CCDC60: variants seen among roughly 807,000 people sequenced by gnomAD.
CCDC60 encodes coiled-coil domain-containing protein 60.
A neutral mutation model predicts 63.5 loss-of-function variants in CCDC60; 54 were observed. The ratio of observed to expected loss-of-function variants is 0.85; its 90% CI spans 0.68 to 1.07. CCDC60 has a LOEUF of 1.07. CCDC60 is among the 50% of genes least tolerant of loss of function. The probability of loss-of-function intolerance (pLI) is 0.00; values close to 1 mark genes in which losing one functional copy is unlikely to be tolerated. For synonymous variants in CCDC60, 206 were observed against 238.8 expected (o/e 0.86, Z 1.27); for missense variants, 651 against 684.3 (o/e 0.95, Z 0.54).
At chr12:119,347,838 C>G (rs1955613444) in intron 1 of CCDC60, among the ~76,000 whole-genome samples, 1 of 152,162 alleles carries the variant, frequency 6.6e-6, no homozygotes, top group Non-Finnish European at 1.5e-5. Flanking sequence ...TCAGGGACAG[C>G]CCCAGGCACG....
intron 1 of CCDC60, among the ~76,000 whole-genome samples, chr12:119,414,290 A>C (rs1466894708): frequency 1.3e-5 from 2 of 152,120 alleles, no homozygotes; most frequent in Non-Finnish European, 2.9e-5. Context: ...AAGTGCTGGG[A>C]TTACAGGTGT....
At chr12:119,404,041 A>C (rs969004384) in intron 1 of CCDC60, among the ~76,000 whole-genome samples, 2 of 152,146 alleles carry the variant, frequency 1.3e-5, no homozygotes, top group Non-Finnish European at 2.9e-5. Context: ...GAATCCCAGC[A>C]CTTTTGGAGG....
chr12:119,435,013 G>T (rs561295053), intron 2 of CCDC60, among the ~76,000 whole-genome samples: 7 of 152,298 alleles, frequency 4.6e-5, no homozygotes, highest in African/African-American at 1.7e-4. Context: ...CTTCAATGAG[G>T]GAAACAGCAG....
At chr12:119,412,098 C>T (rs1392510834) in intron 1 of CCDC60, among the ~76,000 whole-genome samples, 3 of 152,136 alleles carry the variant, frequency 2.0e-5, no homozygotes, top group Non-Finnish European at 4.4e-5. Context: ...AAATTTCCAT[C>T]GAATGGCATC....
intron 7 of CCDC60, among the ~76,000 whole-genome samples, chr12:119,507,573 TATATACACATATATATACATATATATA>T (rs1952064533): frequency 5.1e-5 from 2 of 39,248 alleles, no homozygotes; most frequent in African/African-American, 4.0e-4. Flanking sequence ...TATATATGTA[TATATACACATATATATACATATATATA>T]TATATATATA....
intron 7 of CCDC60, among the ~76,000 whole-genome samples, chr12:119,505,764 G>A (rs950474921): frequency 4.6e-5 from 7 of 152,192 alleles, no homozygotes; most frequent in African/African-American, 1.4e-4. Context: ...GCTGAGGCAG[G>A]AGAATCACTT....
chr12:119,383,658 C>T (rs992985543), intron 1 of CCDC60, among the ~76,000 whole-genome samples: 19 of 152,240 alleles, frequency 1.2e-4, no homozygotes, highest in Non-Finnish European at 2.4e-4. Flanking sequence ...GCTCAAGAGA[C>T]ACAGCAAGTA....
chr12:119,353,598 CTTTTTTTTTT>C (rs71072514), intron 1 of CCDC60, among the ~76,000 whole-genome samples: 24 of 68,250 alleles, frequency 3.5e-4, no homozygotes, highest in African/African-American at 1.2e-3. Flanking sequence ...TCTTCTTCTT[CTTTTTTTTTT>C]TTTTTTTTTT....
At chr12:119,477,417 G>C (rs1290954203) in intron 3 of CCDC60, among the ~76,000 whole-genome samples, 1 of 152,138 alleles carries the variant, frequency 6.6e-6, no homozygotes, top group Non-Finnish European at 1.5e-5. Context: ...ACTATTCTAG[G>C]CTATTAAAGC....
intron 4 of CCDC60, among the ~76,000 whole-genome samples, chr12:119,483,866 A>G (rs911286757): frequency 1.3e-5 from 2 of 151,970 alleles, no homozygotes; most frequent in African/African-American, 2.4e-5. Flanking sequence ...AAAATCCAAG[A>G]TACTATGCTA....
chr12:119,350,830 G>A (rs1260412069), intron 1 of CCDC60, among the ~76,000 whole-genome samples: 2 of 152,114 alleles, frequency 1.3e-5, no homozygotes, highest in Non-Finnish European at 2.9e-5. Flanking sequence ...CATACTGGTG[G>A]GAGTCATTAT....
At chr12:119,451,231 G>T (rs192289954) in intron 2 of CCDC60, among the ~76,000 whole-genome samples, 1 of 152,336 alleles carries the variant, frequency 6.6e-6, no homozygotes, top group Admixed American at 6.5e-5. Context: ...TTGGTGCAAG[G>T]TGGAAGAGCA....
chr12:119,478,983 A>G (rs1466251162), intron 3 of CCDC60, 111 bp from the exon 4 acceptor site: 1 of 744,478 alleles, frequency 1.3e-6, no homozygotes, highest in Non-Finnish European at 2.4e-6. Flanking sequence ...TATTTGCCTG[A>G]TACATAGTAA....
chr12:119,509,026 T>C (rs1283307175), intron 7 of CCDC60, among the ~76,000 whole-genome samples: 2 of 151,928 alleles, frequency 1.3e-5, no homozygotes, highest in East Asian at 3.9e-4. Context: ...AAATGGAGCA[T>C]CTCTCTAGGC....
At chr12:119,353,603 T>C (rs1955683797) in intron 1 of CCDC60, among the ~76,000 whole-genome samples, 2 of 127,816 alleles carry the variant, frequency 1.6e-5, no homozygotes, top group African/African-American at 2.8e-5. Flanking sequence ...TTCTTCTTTT[T>C]TTTTTTTTTT....
At chr12:119,485,784 T>C (rs1196559048) in intron 4 of CCDC60, among the ~76,000 whole-genome samples, 1 of 152,210 alleles carries the variant, frequency 6.6e-6, no homozygotes, top group Non-Finnish European at 1.5e-5. Context: ...GAATCTGGTA[T>C]GTCCACAATT....
intron 2 of CCDC60, among the ~76,000 whole-genome samples, chr12:119,465,388 CT>C (rs36126550): frequency 6.6e-6 from 1 of 152,078 alleles, no homozygotes; most frequent in Non-Finnish European, 1.5e-5. Flanking sequence ...GGTATCCCAC[CT>C]TTTTTTGGGT....
rs192062799 is a variant in CCDC60 at position 119,436,854 on chromosome 12, T to G, written c.170+8092T>G. Among the ~76,000 whole-genome samples, 288 of 152,328 alleles carry G rather than the reference T, an allele frequency of 1.9e-3. 2 individuals are homozygous for G. Among genetic ancestry groups the G allele is most frequent in the Non-Finnish European group, 3.1e-4 (21 of 68,024 alleles). On this transcript the variant is annotated intron_variant, in intron 2 of 13. Transcript: ENST00000327554. ...GCCCGGCCGAGTGATACCAATACTT[T>G]TAACTGCATTACTCAGGTCCCTGAA... is the stretch of plus-strand genomic sequence containing the variant.
intron 1 of CCDC60, among the ~76,000 whole-genome samples, chr12:119,396,656 G>C (rs1956260479): frequency 6.6e-6 from 1 of 152,160 alleles, no homozygotes; most frequent in East Asian, 1.9e-4. Context: ...AAGGCAGGAG[G>C]ATCACTTGAG....
Sources: gnomAD v4.1 joint callset for allele counts (sites outside exome capture counted in the v4.1 genomes callset) on GRCh38, gnomAD v4.1.1 for gene constraint, MANE v1.5 for transcripts, NCBI Gene and HGNC (gene_info 2026-07-23, HGNC 2026-07-21) for gene names.